The following INTS13 variants were observed in gnomAD, a reference collection of about 807,000 sequenced individuals.
INTS13 encodes the protein integrator complex subunit 13, also known as asunder, spermatogenesis regulator homolog (Drosphila).
Under a neutral mutation model 90.2 loss-of-function variants are expected in INTS13, and 35 were observed. The ratio of observed to expected loss-of-function variants is 0.39; its 90% confidence interval spans 0.30 to 0.51. The LOEUF (loss-of-function observed/expected upper bound fraction) is 0.51, where lower values mean the gene tolerates loss of function less well. Ranked by LOEUF, INTS13 falls within the 20% of genes least tolerant of loss-of-function variation. INTS13 has a pLI of 0.80. For synonymous variants in INTS13, 309 were observed against 277.1 expected (o/e 1.11, Z -1.14); for missense variants, 601 against 851.2 (o/e 0.71, Z 3.66).
chr12:26,925,699 C>A, intron 6 of INTS13, 62 bp downstream of exon 6: 2 of 1,290,900 alleles, frequency 1.5e-6, no homozygotes, highest in South Asian at 2.7e-5. Context: ...TAATGATAAC[C>A]CTTCTCAGTA....
At chr12:26,922,786 T>A in intron 7 of INTS13, 86 bp from the exon 8 acceptor site, 1 of 777,674 alleles carries the variant, frequency 1.3e-6, no homozygotes, top group Non-Finnish European at 2.0e-6. Flanking sequence ...GCTTTTTGTT[T>A]AAAATGAGGG....
Position 26,913,533 on chromosome 12 carries a change from T to G in INTS13, c.1729A>C (p.Arg577=), listed in dbSNP as rs1171061206. 6.2e-7 allele frequency: 1 copy of G among 1,614,174 alleles called. No individual in the cohort carries two copies. Among genetic ancestry groups the G allele is most frequent in the Non-Finnish European group, 8.5e-7 (1 of 1,180,032 alleles). ...EEERKKRGRK[R]EDKEDKSEKA... Reference sequence around the variant, plus strand: ...TCTGACTTGTCCTCTTTGTCTTCCCTCTTTCTTCCTCGTTTCTTTCGTTCT... The same window carrying G: ...TCTGACTTGTCCTCTTTGTCTTCCCGCTTTCTTCCTCGTTTCTTTCGTTCT... The change falls in exon 14 of 17, where the codon AGG becomes CGG. Residue 577 remains arginine (R), a synonymous_variant. Transcript: ENST00000261191.
At chr12:26,909,186 C>T (rs577704291) in intron 15 of INTS13, among the ~76,000 whole-genome samples, 4 of 152,090 alleles carry the variant, frequency 2.6e-5, no homozygotes, top group Non-Finnish European at 5.9e-5. Flanking sequence ...CATGGTGAAA[C>T]CCTGTCTCTA....
intron 14 of INTS13, among the ~76,000 whole-genome samples, chr12:26,912,744 T>C (rs1951818290): frequency 6.6e-6 from 1 of 151,944 alleles, no homozygotes; most frequent in South Asian, 2.1e-4. Flanking sequence ...TTTTTTTTTT[T>C]TGAGACAAAG....
chr12:26,921,751 G>C (rs1024528541), intron 8 of INTS13, among the ~76,000 whole-genome samples: 7 of 152,126 alleles, frequency 4.6e-5, no homozygotes, highest in African/African-American at 1.7e-4. Context: ...CGCCTCCCAG[G>C]TTCAAGAGAT....
intron 8 of INTS13, chr12:26,919,060 G>A (rs560129724): frequency 1.3e-4 from 50 of 392,920 alleles, no homozygotes; most frequent in Non-Finnish European, 2.4e-4. Flanking sequence ...CAGCTACTCC[G>A]GAGGCTGAGG....
At chr12:26,915,159 G>C (rs1479623186) in intron 11 of INTS13, among the ~76,000 whole-genome samples, 1 of 152,184 alleles carries the variant, frequency 6.6e-6, no homozygotes, top group African/African-American at 2.4e-5. Context: ...CCAGGAGGCA[G>C]AGGTTGCAGT....
At chr12:26,909,547 C>T (rs1038691758) in intron 15 of INTS13, among the ~76,000 whole-genome samples, 2 of 148,368 alleles carry the variant, frequency 1.3e-5, no homozygotes, top group Non-Finnish European at 3.0e-5. Flanking sequence ...CATCTTGGCT[C>T]ACTGCAATCT....
In INTS13 at chr12:26,924,478, G is replaced by C; in HGVS notation, c.681C>G (p.Ser227=). Residue 227 remains serine, a synonymous_variant, in exon 7 of 17, where the codon TCC becomes TCG. Coordinates refer to ENST00000261191, the MANE Select transcript of INTS13 (RefSeq NM_018164.3). ...LVSDRSKKEL[S]PVLTSEVHSV... is the part of the protein sequence containing the mutation. ...TATGAACTTCACTGGTTAAAACCGG[G>C]GACAACTACAGAAAAACATACAAGA... 1.9e-6 allele frequency: 3 copies of C among 1,596,836 alleles called. No homozygotes were observed. Among genetic ancestry groups the C allele is most frequent in the Non-Finnish European group, 2.6e-6 (3 of 1,171,328 alleles).
At chr12:26,935,976 T>C (rs1363152015) in intron 2 of INTS13, among the ~76,000 whole-genome samples, 1 of 152,180 alleles carries the variant, frequency 6.6e-6, no homozygotes, top group Non-Finnish European at 1.5e-5. Context: ...CTCTTCTTAC[T>C]GATAAACCAT....
At position 26,922,712 on chromosome 12, in the gene INTS13, AT is replaced by A; in HGVS notation, c.805-13del. The A allele has an allele frequency of 1.3e-6, 2 of 1,516,124 alleles. No individual in the cohort carries two copies. Among genetic ancestry groups the A allele is most frequent in the Non-Finnish European group, 1.8e-6 (2 of 1,129,418 alleles). 93.9% of individuals were successfully genotyped at this position (1,516,124 alleles called of 1,614,324 possible). ...GCATGCTGTTCTTCCTTGAAGTAAA[AT>A]TTCAAACATTTTAAAAAACTTGGTT... On this transcript the variant is annotated splice_polypyrimidine_tract_variant and intron_variant, in intron 7 of 16. Coordinates refer to ENST00000261191, the MANE Select transcript of INTS13 (RefSeq NM_018164.3).
Position 26,914,429 on chromosome 12 carries a change from G to A in INTS13, c.1398C>T (p.Thr466=), listed in dbSNP as rs1165012394. The part of the protein sequence containing the change: ...TRYWPMIISQ[T]TIFNMQAVVP... ...TTACCGCTTGCATGTTAAAAATGGT[G>A]GTTTGTGAAATGATCATAGGCCAGT... is the stretch of plus-strand genomic sequence containing the variant. Residue 466 remains threonine, a synonymous_variant, in exon 12 of 17, where the codon ACC becomes ACT. Coordinates refer to ENST00000261191, the MANE Select transcript of INTS13 (RefSeq NM_018164.3). The A allele has an allele frequency of 1.2e-6, 2 of 1,612,848 alleles. No homozygotes were observed. The highest frequency in any genetic ancestry group is 1.7e-6 in the Non-Finnish European group (2 of 1,179,574).
rs1206898393 is a variant in INTS13, at chr12:26,910,031, A to G, written c.1945+1147T>C. On this transcript the variant is annotated intron_variant, in intron 15 of 16. Coordinates refer to ENST00000261191, the MANE Select transcript of INTS13 (RefSeq NM_018164.3). ...GATAACTAAAGCCTAGAACGATTTC[A>G]GGAGCTGCCAATCCCAAATCATATC... Among the ~76,000 whole-genome samples, 3 of 152,226 alleles carry G rather than the reference A, an allele frequency of 2.0e-5. No individual in the cohort carries two copies. In the East Asian group the frequency reaches 5.8e-4, roughly 29 times the overall value.
chr12:26,909,946 C>CT lies in INTS13; in HGVS notation c.1945+1231dup, dbSNP rs796921395. ...GCATAGTGGCAGGACATCAGGTAGT[C>CT]TAATGACGGCATACCATTACACATG... On this transcript the variant is annotated intron_variant, in intron 15 of 16. Coordinates refer to ENST00000261191, the MANE Select transcript of INTS13 (RefSeq NM_018164.3). Among the ~76,000 whole-genome samples, 45 of 152,164 alleles carry CT rather than the reference C, an allele frequency of 3.0e-4. 1 individual carries two copies. Among genetic ancestry groups the CT allele is most frequent in the African/African-American group, 1.1e-3 (45 of 41,536 alleles).
intron 15 of INTS13, among the ~76,000 whole-genome samples, chr12:26,910,825 A>G (rs140356100): frequency 6.6e-6 from 1 of 152,160 alleles, no homozygotes; most frequent in African/African-American, 2.4e-5. Flanking sequence ...TACAAAACAG[A>G]GCTTCATTGG....
At chr12:26,908,957 A>G (rs1049807760) in intron 15 of INTS13, among the ~76,000 whole-genome samples, 4 of 152,214 alleles carry the variant, frequency 2.6e-5, no homozygotes, top group Non-Finnish European at 2.9e-5. Context: ...GCTAGTACAT[A>G]TGTGTATGAA....
chr12:26,918,798 C>T (rs1952019496), intron 8 of INTS13, among the ~76,000 whole-genome samples: 3 of 152,116 alleles, frequency 2.0e-5, no homozygotes, highest in South Asian at 2.1e-4. Context: ...GGAGATCTGT[C>T]CTATTCCAAA....
intron 13 of INTS13, 137 bp downstream of exon 13, chr12:26,913,837 G>A: frequency 1.8e-6 from 2 of 1,122,058 alleles, no homozygotes; most frequent in Non-Finnish European, 1.3e-6. Context: ...CCATTTCTAT[G>A]ATTTTGTATT....
chr12:26,919,018 T>C (rs1476154662), intron 8 of INTS13: 1 of 380,272 alleles, frequency 2.6e-6, no homozygotes, highest in East Asian at 7.9e-5. Flanking sequence ...ATACAAAAAT[T>C]AGCCAGGCTT....
Sources: gnomAD v4.1 joint callset for allele counts (sites outside exome capture counted in the v4.1 genomes callset) on GRCh38, gnomAD v4.1.1 for gene constraint, MANE v1.5 for transcripts, NCBI Gene and HGNC (gene_info 2026-07-23, HGNC 2026-07-21) for gene names.